The following DLG5 variants were observed in gnomAD, a reference collection of about 807,000 sequenced individuals.
DLG5 encodes discs large MAGUK scaffold protein 5.
In DLG5, 48 loss-of-function variants were observed where a neutral mutation model predicts 189.8. That is an observed-to-expected ratio of 0.25 (90% CI 0.20 to 0.32). DLG5 has a LOEUF of 0.32. Among genes scored for constraint, DLG5 ranks in the 10% least tolerant of loss-of-function variants. The pLI is 1.00. For missense variants in DLG5, 2,160 were observed against 2,544.7 expected (o/e 0.85, Z 3.25); for synonymous variants, 1,016 against 1,054.1 (o/e 0.96, Z 0.70).
chr10:77,833,997 C>G lies in DLG5; in HGVS notation c.1665G>C (p.Val555=), dbSNP rs770644962. 1.9e-6 allele frequency: 3 copies of G among 1,608,966 alleles called. No homozygotes were observed. In the East Asian group the frequency reaches 6.7e-5, roughly 36 times the overall value. Residue 555 remains valine, a synonymous_variant, in exon 9 of 32, where the codon GTG becomes GTC. Transcript: ENST00000372391. ...DNLRRERDRA[V]SELAEALRSL... The stretch of plus-strand genomic sequence containing the variant: ...TGCGCAGGGCCTCAGCCAGCTCGCT[C>G]ACCGCACGGTCCCGCTCCCGCCTCA...
At chr10:77,885,013 C>T (rs1363500944) in intron 1 of DLG5, among the ~76,000 whole-genome samples, 1 of 152,206 alleles carries the variant, frequency 6.6e-6, no homozygotes, top group Non-Finnish European at 1.5e-5. Flanking sequence ...CTTTGTCACA[C>T]CCAGAGCAGG....
At chr10:77,846,232 C>T (rs1193856234) in intron 5 of DLG5, among the ~76,000 whole-genome samples, 4 of 151,834 alleles carry the variant, frequency 2.6e-5, no homozygotes, top group African/African-American at 9.7e-5. Context: ...GTGACAAGCG[C>T]GAGACTTCGT....
At chr10:77,855,438 A>T (rs573363952) in intron 3 of DLG5, among the ~76,000 whole-genome samples, 5 of 152,292 alleles carry the variant, frequency 3.3e-5, no homozygotes, top group Non-Finnish European at 2.9e-5. Context: ...AGGTCAGCAA[A>T]CTTTTTTTGC....
intron 27 of DLG5, among the ~76,000 whole-genome samples, chr10:77,799,299 A>G (rs891670314): frequency 2.0e-5 from 3 of 152,222 alleles, no homozygotes; most frequent in African/African-American, 7.2e-5. Flanking sequence ...CTCGACATTT[A>G]TATGTTGAAG....
intron 1 of DLG5, among the ~76,000 whole-genome samples, chr10:77,873,031 G>GCGCACA (rs1554826889): frequency 6.6e-5 from 3 of 45,488 alleles, no homozygotes; most frequent in African/African-American, 1.6e-4. Flanking sequence ...GTGTGTGTGT[G>GCGCACA]CACACACACA....
At chr10:77,886,232 C>A (rs1381898914) in intron 1 of DLG5, among the ~76,000 whole-genome samples, 1 of 152,182 alleles carries the variant, frequency 6.6e-6, no homozygotes, top group Non-Finnish European at 1.5e-5. Context: ...TGGTGAGTGG[C>A]TCAGTTGGGG....
chr10:77,931,575 C>G (rs113439115), upstream of DLG5, among the ~76,000 whole-genome samples: 1,676 of 152,130 alleles, frequency 0.011, 15 homozygotes, highest in Non-Finnish European at 0.015. Context: ...GAGCACAACT[C>G]CCCATAGAAA....
chr10:77,914,496 G>A (rs1273427619), intron 1 of DLG5, among the ~76,000 whole-genome samples: 1 of 152,108 alleles, frequency 6.6e-6, no homozygotes, highest in Non-Finnish European at 1.5e-5. Flanking sequence ...GAGGTTAAGC[G>A]ACTTGAAGTC....
Position 77,796,746 on chromosome 10 carries a change from C to CT in DLG5, c.5165-153_5165-152insA. ...GAAAATCTCGTGTCCCAGGCACAAC[C>CT]GGGCATCGTCACCCCTGGAGTCCAG... is the stretch of plus-strand genomic sequence containing the variant. On this transcript the variant is annotated intron_variant, in intron 27 of 31. Coordinates refer to ENST00000372391, the MANE Select transcript of DLG5 (RefSeq NM_004747.4). The surrounding 1 kb of genome is among the most constrained non-coding windows in gnomAD (Gnocchi z 5.2). 6 of 942,304 alleles carry CT rather than the reference C, an allele frequency of 6.4e-6. No homozygotes were observed. Among genetic ancestry groups the CT allele is most frequent in the Non-Finnish European group, 9.5e-6 (6 of 629,184 alleles). The allele number at this position is 942,304 out of a possible 1,614,324, so 58.4% of individuals were successfully genotyped here.
At position 77,792,508 on chromosome 10, in the gene DLG5, T is replaced by C; in HGVS notation, c.5692A>G (p.Thr1898Ala). 6.2e-7 allele frequency: 1 copy of C among 1,614,180 alleles called. No individual in the cohort carries two copies. Among genetic ancestry groups the C allele is most frequent in the Non-Finnish European group, 8.5e-7 (1 of 1,180,030 alleles). The change falls in exon 32 of 32, where the codon ACT becomes GCT. Residue 1898 changes from threonine to alanine, a missense_variant. Thr to Ala is a moderately conservative substitution (Grantham distance 58). Coordinates refer to ENST00000372391, the MANE Select transcript of DLG5 (RefSeq NM_004747.4). ...TGATTGACCATTGCCAAGATCTGAG[T>C]GCAAATGCTTGACAGGGCTCCTCCC... ...IQGGALSSIC[T>A]QILAMVNQEQ... is the part of the protein sequence containing the mutation.
At chr10:77,824,256 C>T (rs1440578711) in intron 14 of DLG5, 128 bp downstream of exon 14, 3 of 687,118 alleles carry the variant, frequency 4.4e-6, no homozygotes, top group Non-Finnish European at 7.4e-6. Flanking sequence ...TTCCTGCCCC[C>T]TCTGCACTCA....
intron 2 of DLG5, among the ~76,000 whole-genome samples, chr10:77,857,536 C>T (rs937573358): frequency 6.6e-6 from 1 of 152,204 alleles, no homozygotes; most frequent in Non-Finnish European, 1.5e-5. Context: ...TGACGCAATT[C>T]AAGTTGGTCC....
At chr10:77,814,764 G>A (rs1440770997) in intron 20 of DLG5, among the ~76,000 whole-genome samples, 5 of 150,866 alleles carry the variant, frequency 3.3e-5, no homozygotes, top group African/African-American at 9.7e-5. Context: ...TAGTAGAGAC[G>A]GGGTTTCACC....
intron 27 of DLG5, among the ~76,000 whole-genome samples, chr10:77,797,108 G>A (rs1267590329): frequency 1.3e-5 from 2 of 152,196 alleles, no homozygotes; most frequent in African/African-American, 4.8e-5. Context: ...AAGATGGAAG[G>A]GACCTGGGTC....
chr10:77,877,911 G>A (rs1845153714), intron 1 of DLG5, among the ~76,000 whole-genome samples: 1 of 152,210 alleles, frequency 6.6e-6, no homozygotes. Flanking sequence ...AACCCAGACA[G>A]GAAATCTGAG....
At chr10:77,916,134 T>C in intron 1 of DLG5, among the ~76,000 whole-genome samples, 1 of 152,014 alleles carries the variant, frequency 6.6e-6, no homozygotes, top group East Asian at 1.9e-4. Flanking sequence ...GCAGGAGGAT[T>C]GCTTGAGCCC....
At position 77,876,068 on chromosome 10, in the gene DLG5, C is replaced by G. The variant is rs182351710; in HGVS notation, c.305-6871G>C. ...TATGCCACCCGAGGGTGGGAAAATCCTACTCTTGGTTTGTAAGTTAAGATT... is the reference window on the plus strand; with the variant it reads ...TATGCCACCCGAGGGTGGGAAAATCGTACTCTTGGTTTGTAAGTTAAGATT... On this transcript the variant is annotated intron_variant, in intron 1 of 31. Coordinates refer to ENST00000372391, the MANE Select transcript of DLG5 (RefSeq NM_004747.4). Among the ~76,000 whole-genome samples the G allele has an allele frequency of 2.0e-5, 3 of 152,100 alleles. No homozygotes were observed. In the East Asian group the frequency reaches 5.8e-4, roughly 29 times the overall value.
intron 1 of DLG5, among the ~76,000 whole-genome samples, chr10:77,894,978 A>G (rs1401072863): frequency 6.6e-6 from 1 of 152,192 alleles, no homozygotes; most frequent in Admixed American, 6.5e-5. Context: ...GTCCTTTCAA[A>G]GCACTCGCTC....
chr10:77,918,885 G>A (rs1251382435), intron 1 of DLG5, among the ~76,000 whole-genome samples: 3 of 152,002 alleles, frequency 2.0e-5, no homozygotes, highest in Admixed American at 6.6e-5. Flanking sequence ...GCATGGGGCA[G>A]AACATACAGG....
Sources: gnomAD v4.1 joint callset for allele counts (sites outside exome capture counted in the v4.1 genomes callset) on GRCh38, gnomAD v4.1.1 for gene constraint, Gnocchi (gnomAD v3.1) non-coding constraint, MANE v1.5 for transcripts, NCBI Gene and HGNC (gene_info 2026-07-23, HGNC 2026-07-21) for gene names.